PRKCQ: variants seen among roughly 807,000 people sequenced by gnomAD.
PRKCQ encodes protein kinase C theta.
Under a neutral mutation model 91.2 loss-of-function variants are expected in PRKCQ, and 41 were observed. The ratio of observed to expected loss-of-function variants is 0.45; its 90% CI spans 0.35 to 0.58. PRKCQ has a LOEUF of 0.58. PRKCQ is among the 20% of genes least tolerant of loss of function. The pLI is 0.00. For missense variants in PRKCQ, 673 were observed against 896.5 expected, an observed-to-expected ratio of 0.75 and a Z score of 3.18; for synonymous variants, 307 against 316.9, an observed-to-expected ratio of 0.97 and a Z score of 0.33.
At chr10:6,401,665 C>G in the PRKCQ span, among the ~76,000 whole-genome samples, 20 of 152,084 alleles carry the variant, frequency 1.3e-4, no homozygotes, top group Admixed American at 5.9e-4. Flanking sequence ...ACTCTGGTCC[C>G]AAAGCTCTGA....
chr10:6,540,318 C>T (rs955337180), intron 1 of PRKCQ, among the ~76,000 whole-genome samples: 1 of 152,166 alleles, frequency 6.6e-6, no homozygotes, highest in African/African-American at 2.4e-5. Context: ...GCAACCATCA[C>T]CACCATCCAT....
chr10:6,575,966 G>A (rs1234301055), intron 1 of PRKCQ, among the ~76,000 whole-genome samples: 1 of 152,086 alleles, frequency 6.6e-6, no homozygotes, highest in Non-Finnish European at 1.5e-5. Flanking sequence ...CTTGAACCTG[G>A]GAGGTAGAGG....
chr10:6,549,256 T>C (rs1427567643), intron 1 of PRKCQ, among the ~76,000 whole-genome samples: 1 of 152,186 alleles, frequency 6.6e-6, no homozygotes, highest in Non-Finnish European at 1.5e-5. Flanking sequence ...GAAAGCAGTA[T>C]GGAGTTGGGC....
intron 12 of PRKCQ, among the ~76,000 whole-genome samples, chr10:6,468,128 C>T (rs1166171164): frequency 2.0e-5 from 3 of 152,100 alleles, no homozygotes; most frequent in African/African-American, 7.2e-5. Context: ...TTTGCATACA[C>T]AAATATCATT....
chr10:6,553,136 T>C (rs906964765), intron 1 of PRKCQ, among the ~76,000 whole-genome samples: 14 of 152,136 alleles, frequency 9.2e-5, no homozygotes, highest in South Asian at 4.1e-4. Context: ...AAAGGAAAAA[T>C]AGACCTCAGT....
chr10:6,491,522 T>C (rs1588754179), intron 8 of PRKCQ, among the ~76,000 whole-genome samples, 161 bp downstream of exon 8: 1 of 152,164 alleles, frequency 6.6e-6, no homozygotes, highest in Non-Finnish European at 1.5e-5. Flanking sequence ...GAAAGGAACA[T>C]AGTGGCTTAT....
intron 7 of PRKCQ, among the ~76,000 whole-genome samples, chr10:6,493,144 A>T (rs112794493): frequency 3.3e-5 from 5 of 152,250 alleles, no homozygotes; most frequent in Non-Finnish European, 7.3e-5. Context: ...TGAAGACGCT[A>T]TGTACACGCT....
chr10:6,499,580 A>T (rs1330480240), intron 4 of PRKCQ, among the ~76,000 whole-genome samples: 5 of 152,232 alleles, frequency 3.3e-5, no homozygotes, highest in Admixed American at 3.3e-4. Context: ...ATGTGAATAA[A>T]TAAATAAGGA....
intron 1 of PRKCQ, among the ~76,000 whole-genome samples, chr10:6,574,327 G>A (rs892120794): frequency 6.6e-6 from 1 of 152,156 alleles, no homozygotes; most frequent in South Asian, 2.1e-4. Context: ...GGTAGATAAA[G>A]CATTTAAAGG....
At chr10:6,530,656 G>A (rs1410349820) in intron 1 of PRKCQ, among the ~76,000 whole-genome samples, 1 of 152,222 alleles carries the variant, frequency 6.6e-6, no homozygotes, top group African/African-American at 2.4e-5. Context: ...AGATGCATGC[G>A]TTTAGGGCAA....
rs1422443357 is a variant in PRKCQ at position 6,578,193 on chromosome 10, AAGG to A, written c.-10+2015_-10+2017del. Among the ~76,000 whole-genome samples, 6 of 152,324 alleles carry A rather than the reference AAGG, an allele frequency of 3.9e-5. No individual in the cohort carries two copies. The South Asian group carries it at 8.3e-4, about 21-fold the overall frequency. On this transcript the variant is annotated intron_variant, in intron 1 of 17. Coordinates refer to ENST00000263125, the MANE Select transcript of PRKCQ (RefSeq NM_006257.5). ...TCGAACACCATCCCCTTGTTGCCTG[AAGG>A]AGAAGTGAGACAGCAAAACAAATCA...
chr10:6,546,400 A>C (rs1003983736), intron 1 of PRKCQ, among the ~76,000 whole-genome samples: 1 of 152,214 alleles, frequency 6.6e-6, no homozygotes, highest in Non-Finnish European at 1.5e-5. Context: ...AGGAAATTTC[A>C]GCGTGGTGCA....
intron 10 of PRKCQ, 56 bp from the exon 11 acceptor site, chr10:6,483,656 G>T (rs1836738479): frequency 6.3e-7 from 1 of 1,581,920 alleles, no homozygotes; most frequent in East Asian, 2.2e-5. Flanking sequence ...GGTCATTCTA[G>T]TTACTGAGAG....
chr10:6,404,573 CT>C, the PRKCQ span, among the ~76,000 whole-genome samples: 1 of 121,808 alleles, frequency 8.2e-6, no homozygotes, highest in African/African-American at 2.8e-5. Flanking sequence ...TTCCTTCTTT[CT>C]CTTTCTTTCT....
At chr10:6,437,789 C>G (rs549903665) in intron 16 of PRKCQ, among the ~76,000 whole-genome samples, 2 of 151,784 alleles carry the variant, frequency 1.3e-5, no homozygotes, top group Admixed American at 6.6e-5. Context: ...GTAGCTGGGA[C>G]CACAGGCGCC....
the PRKCQ span, among the ~76,000 whole-genome samples, chr10:6,403,350 T>C: frequency 6.6e-6 from 1 of 152,174 alleles, no homozygotes; most frequent in African/African-American, 2.4e-5. Context: ...TCCCTTCTAT[T>C]TGGAAAAGAG....
intron 3 of PRKCQ, 78 bp from the exon 4 acceptor site, chr10:6,507,574 G>C (rs188677243): frequency 8.3e-7 from 1 of 1,203,388 alleles, no homozygotes; most frequent in African/African-American, 1.5e-5. Flanking sequence ...GGCTACTGAC[G>C]ATGGCAGGAG....
chr10:6,399,931 T>TG, the PRKCQ span, among the ~76,000 whole-genome samples: 2 of 151,752 alleles, frequency 1.3e-5, no homozygotes, highest in African/African-American at 2.4e-5. Flanking sequence ...AATCGGGGGT[T>TG]GGGGGGGCGG....
chr10:6,453,218 A>T (rs1241524833), intron 15 of PRKCQ, among the ~76,000 whole-genome samples: 1 of 151,992 alleles, frequency 6.6e-6, no homozygotes, highest in Non-Finnish European at 1.5e-5. Context: ...AACTCAAACA[A>T]ATTTACAAGA....
Sources: gnomAD v4.1 joint callset for allele counts (sites outside exome capture counted in the v4.1 genomes callset) on GRCh38, gnomAD v4.1.1 for gene constraint, MANE v1.5 for transcripts, NCBI Gene and HGNC (gene_info 2026-07-23, HGNC 2026-07-21) for gene names.